Variants in NOMO1 observed in about 807,000 individuals in gnomAD.
The protein encoded by NOMO1 is NODAL modulator 1, also known as nodal modulator 3.
Under a neutral mutation model 133.8 loss-of-function variants are expected in NOMO1, and 40 were observed. The ratio of observed to expected loss-of-function variants is 0.30; its 90% CI spans 0.23 to 0.39. The LOEUF (loss-of-function observed/expected upper bound fraction) is 0.39. Ranked by LOEUF, NOMO1 falls within the 10% of genes least tolerant of loss-of-function variation. The pLI, the probability that NOMO1 is intolerant of heterozygous loss-of-function variation, is 1.00. For synonymous variants in NOMO1, 236 were observed against 570.5 expected, an observed-to-expected ratio of 0.41 and a Z score of 8.36; for missense variants, 462 against 1,419.9, an observed-to-expected ratio of 0.33 and a Z score of 10.84.
chr16:14,868,580 T>C lies in NOMO1; in HGVS notation c.1839T>C (p.Asn613=), dbSNP rs1412151308. 1.2e-6 allele frequency: 2 copies of C among 1,611,464 alleles called. No homozygotes were observed. Among genetic ancestry groups the C allele is most frequent in the Admixed American group, 1.7e-5 (1 of 59,888 alleles). ...EFYQDGNGRE[N]VGIYNLSKGV... ...ATCAGGATGGAAATGGGCGTGAGAA[T>C]GTGGGGATTTATAACCTCTCCAAAG... is the stretch of plus-strand genomic sequence containing the variant. The change falls in exon 16 of 31, where the codon AAT becomes AAC. Residue 613 remains asparagine, a synonymous_variant. Transcript: ENST00000287667.
intron 11 of NOMO1, among the ~76,000 whole-genome samples, chr16:14,860,654 T>A (rs1343815830): frequency 6.6e-6 from 1 of 151,926 alleles, no homozygotes; most frequent in East Asian, 1.9e-4. Flanking sequence ...GGTTTCTTAT[T>A]TGAGCCACTG....
intron 1 of NOMO1, among the ~76,000 whole-genome samples, chr16:14,838,128 G>A (rs1294727065): frequency 1.3e-5 from 2 of 151,690 alleles, no homozygotes; most frequent in South Asian, 4.2e-4. Flanking sequence ...AAACTTACAC[G>A]AGCAACCTAG....
intron 14 of NOMO1, 76 bp from the exon 15 acceptor site, chr16:14,866,479 T>A (rs1963996802): frequency 3.1e-6 from 5 of 1,609,592 alleles, no homozygotes; most frequent in Non-Finnish European, 4.2e-6. Flanking sequence ...TAATTCATGA[T>A]CATTGTTTCT....
Position 14,884,513 on chromosome 16 carries a change from G to A in NOMO1, c.3222+31G>A, listed in dbSNP as rs371896471. On this transcript the variant is annotated intron_variant, in intron 27 of 30. Transcript: ENST00000287667. ...TCCAGACTTTTAAGCTCCAAGTATT[G>A]TGTTCCCTTTGGCTTTGAGACAAGT... is the stretch of plus-strand genomic sequence containing the variant. The A allele has an allele frequency of 3.4e-5, 54 of 1,611,340 alleles. No homozygotes were observed. In the Admixed American group the frequency reaches 3.5e-4, roughly 10 times the overall value.
At chr16:14,849,493 C>A (rs1255771581) in intron 6 of NOMO1, among the ~76,000 whole-genome samples, 2 of 47,544 alleles carry the variant, frequency 4.2e-5, no homozygotes, top group Non-Finnish European at 7.4e-5. Context: ...ATGAATGAAC[C>A]AGAGCTACAT....
At chr16:14,886,646 A>C in intron 27 of NOMO1, 115 bp from the exon 28 acceptor site, 1 of 1,557,032 alleles carries the variant, frequency 6.4e-7, no homozygotes, top group East Asian at 2.3e-5. Context: ...TCTTTTTCAA[A>C]TATCCATGTT....
rs990050307 is a variant in NOMO1, at chr16:14,835,418, G to T, written c.165+1402G>T. ...GTTCAGGGTGGTATGGCTGTAGACG[G>T]CACAGGGCATTTCAGAAGCTGAAAT... is the stretch of plus-strand genomic sequence containing the variant. On this transcript the variant is annotated intron_variant, in intron 1 of 30. Coordinates refer to ENST00000287667, the MANE Select transcript of NOMO1 (RefSeq NM_014287.4). Among the ~76,000 whole-genome samples the T allele has an allele frequency of 2.7e-5, 4 of 150,924 alleles. 1 individual carries two copies. Among genetic ancestry groups the T allele is most frequent in the African/African-American group, 9.9e-5 (4 of 40,582 alleles).
chr16:14,856,408 G>A (rs1198068919), intron 9 of NOMO1, among the ~76,000 whole-genome samples: 3 of 151,840 alleles, frequency 2.0e-5, no homozygotes, highest in African/African-American at 7.3e-5. Context: ...GGTGGAGGAG[G>A]GTGGTCTAGG....
At chr16:14,882,573 G>T in intron 25 of NOMO1, 21 bp from the exon 26 acceptor site, 1 of 1,611,596 alleles carries the variant, frequency 6.2e-7, no homozygotes, top group South Asian at 1.1e-5. Flanking sequence ...CTAGAGAGCT[G>T]ACTCCTGAGT....
intron 18 of NOMO1, among the ~76,000 whole-genome samples, chr16:14,874,581 C>T (rs562134984): frequency 6.6e-6 from 1 of 152,118 alleles, no homozygotes; most frequent in African/African-American, 2.4e-5. Context: ...TGCACTTTTC[C>T]TCTGGTATTA....
chr16:14,878,908 G>A (rs1597111285), intron 23 of NOMO1, 74 bp downstream of exon 23: 12 of 1,592,660 alleles, frequency 7.5e-6, no homozygotes, highest in Middle Eastern at 2.3e-4. Flanking sequence ...CGAGACTTAC[G>A]TGTTGCTTGA....
intron 28 of NOMO1, chr16:14,888,582 C>A (rs1302466817): frequency 4.5e-6 from 1 of 222,446 alleles, no homozygotes; most frequent in Non-Finnish European, 9.0e-6. Flanking sequence ...GGGTCTCATG[C>A]AATGTGCATG....
In NOMO1 at chr16:14,833,799, T is replaced by C. The variant is rs930022850; in HGVS notation, c.-53T>C. On this transcript the variant is annotated 5_prime_UTR_variant, in exon 1 of 31. Coordinates refer to ENST00000287667, the MANE Select transcript of NOMO1 (RefSeq NM_014287.4). ...AGGAAGGAGCCTGCGGCGTGCAGTG[T>C]GAGGGGCGGGACCCGGCTGCCGGCG... The C allele has an allele frequency of 1.7e-5, 7 of 422,290 alleles. No individual in the cohort carries two copies. The East Asian group carries it at 2.3e-4, about 14-fold the overall frequency. 26.2% of individuals were successfully genotyped at this position (422,290 alleles called of 1,614,324 possible).
chr16:14,854,768 CAG>C (rs1252001790), intron 9 of NOMO1, among the ~76,000 whole-genome samples: 8 of 148,608 alleles, frequency 5.4e-5, no homozygotes, highest in South Asian at 2.1e-4. Context: ...AGGGTGGAGA[CAG>C]GGGTTGCAGT....
At chr16:14,865,407 AT>A (rs1331270920) in intron 14 of NOMO1, among the ~76,000 whole-genome samples, 1 of 142,474 alleles carries the variant, frequency 7.0e-6, no homozygotes, top group Non-Finnish European at 1.5e-5. Context: ...GACGTATGGC[AT>A]TTTATTTCTA....
At chr16:14,889,557 A>C (rs1017362529) in intron 29 of NOMO1, among the ~76,000 whole-genome samples, 4 of 151,920 alleles carry the variant, frequency 2.6e-5, no homozygotes, top group African/African-American at 4.8e-5. Context: ...AAAACAAAAC[A>C]AAACCAAACA....
chr16:14,846,916 G>C (rs1190401106), intron 5 of NOMO1, among the ~76,000 whole-genome samples: 1 of 149,750 alleles, frequency 6.7e-6, no homozygotes. Context: ...ATACTGGCCA[G>C]GCATATTGGC....
intron 22 of NOMO1, among the ~76,000 whole-genome samples, chr16:14,877,973 A>C (rs1964185484): frequency 7.2e-6 from 1 of 139,602 alleles, no homozygotes; most frequent in Non-Finnish European, 1.6e-5. Context: ...GTACCACAAG[A>C]GTAGGTGCTG....
chr16:14,856,904 G>A (rs577350041), intron 9 of NOMO1, among the ~76,000 whole-genome samples: 2 of 152,084 alleles, frequency 1.3e-5, no homozygotes, highest in African/African-American at 2.4e-5. Context: ...GCATCTGGAG[G>A]GGAGGAGATG....
Sources: gnomAD v4.1 joint callset for allele counts (sites outside exome capture counted in the v4.1 genomes callset) on GRCh38, gnomAD v4.1.1 for gene constraint, MANE v1.5 for transcripts, NCBI Gene and HGNC (gene_info 2026-07-23, HGNC 2026-07-21) for gene names.